TENM1: variants seen among roughly 807,000 people sequenced by gnomAD.
TENM1 encodes teneurin-1.
Under a neutral mutation model 174.8 loss-of-function variants are expected in TENM1, and 35 were observed. The observed-to-expected ratio is 0.20, with a 90% confidence interval of 0.15 to 0.27. TENM1 has a LOEUF of 0.27. TENM1 is among the 10% of genes least tolerant of loss of function. The probability of loss-of-function intolerance (pLI) is 1.00; values close to 1 mark genes in which losing one functional copy is unlikely to be tolerated. For missense variants in TENM1, 1,633 were observed against 2,130.1 expected (o/e 0.77, Z 4.59); for synonymous variants, 781 against 798.7 (o/e 0.98, Z 0.37).
the TENM1 span, among the ~76,000 whole-genome samples, chrX:125,172,588 C>T: frequency 1.8e-5 from 2 of 111,224 alleles, no homozygotes; most frequent in African/African-American, 6.5e-5. Flanking sequence ...GAAATGTTGG[C>T]GGTGTAACCA....
chrX:124,764,870 C>G (rs1222451589), intron 3 of TENM1, among the ~76,000 whole-genome samples: 2 of 110,938 alleles, frequency 1.8e-5, no homozygotes, highest in African/African-American at 6.6e-5. Flanking sequence ...ATTTGCCATT[C>G]AACAGACCCA....
At chrX:124,853,592 C>T (rs1355963829) in intron 3 of TENM1, among the ~76,000 whole-genome samples, 1 of 110,699 alleles carries the variant, frequency 9.0e-6, no homozygotes, top group African/African-American at 3.3e-5. Flanking sequence ...TGATTGATGG[C>T]CTTTATTTTT....
upstream of TENM1, among the ~76,000 whole-genome samples, chrX:124,966,252 G>A (rs1050048743): frequency 1.6e-4 from 18 of 111,487 alleles, no homozygotes; most frequent in African/African-American, 4.9e-4. Context: ...GTCATATCAC[G>A]TCTCTCCTTT....
upstream of TENM1, among the ~76,000 whole-genome samples, chrX:124,967,986 T>C (rs2058747460): frequency 8.9e-6 from 1 of 111,828 alleles, no homozygotes; most frequent in Admixed American, 9.5e-5. Flanking sequence ...TTGACAAGGG[T>C]AGTTGCATTA....
chrX:124,788,745 C>T (rs766597837), intron 3 of TENM1, among the ~76,000 whole-genome samples: 12 of 112,808 alleles, frequency 1.1e-4, no homozygotes, highest in Admixed American at 2.8e-4. Context: ...TGGGCAGCTC[C>T]GCCTCTGTGG....
the TENM1 span, among the ~76,000 whole-genome samples, chrX:125,123,757 T>C: frequency 8.9e-6 from 1 of 112,762 alleles, no homozygotes; most frequent in African/African-American, 3.2e-5. Flanking sequence ...AATTCTGATA[T>C]CACTCATGCA....
At chrX:124,801,619 T>C (rs918543780) in intron 3 of TENM1, among the ~76,000 whole-genome samples, 10 of 112,087 alleles carry the variant, frequency 8.9e-5, no homozygotes, top group African/African-American at 3.2e-4. Context: ...TGAATTTGAT[T>C]CTGTCATCAT....
intron 3 of TENM1, among the ~76,000 whole-genome samples, chrX:124,746,849 C>G (rs2053930910): frequency 9.0e-6 from 1 of 110,733 alleles, no homozygotes; most frequent in African/African-American, 3.3e-5. Context: ...CAAATTAGGC[C>G]AGGGGTAGTG....
chrX:125,132,064 C>A, the TENM1 span, among the ~76,000 whole-genome samples: 1 of 112,036 alleles, frequency 8.9e-6, no homozygotes, highest in Non-Finnish European at 1.9e-5. Flanking sequence ...CCCTGTATCC[C>A]ACAGTTAAGC....
At chrX:124,504,112 T>C (rs1047706963) in intron 18 of TENM1, among the ~76,000 whole-genome samples, 1 of 111,829 alleles carries the variant, frequency 8.9e-6, no homozygotes. Flanking sequence ...TTTACCACTA[T>C]AGTGAAAAAT....
intron 23 of TENM1, among the ~76,000 whole-genome samples, chrX:124,438,761 T>C (rs748445903): frequency 3.6e-5 from 4 of 111,623 alleles, no homozygotes; most frequent in South Asian, 3.8e-4. Context: ...TCTCTACTTA[T>C]ATAAACAACC....
At chrX:125,163,588 C>T in the TENM1 span, among the ~76,000 whole-genome samples, 16 of 111,012 alleles carry the variant, frequency 1.4e-4, no homozygotes, top group East Asian at 1.4e-3. Context: ...ACTAACTCTT[C>T]GGAATATGGT....
rs946158913 is a variant in TENM1 at position 124,611,831 on chromosome X, C to T, written c.2077+29960G>A. ...GCTACCCATAACGAATGCTAAGTCT[C>T]AAGTGCACAGCATGGTTCAGAAACT... On this transcript the variant is annotated intron_variant, in intron 11 of 31. Transcript: ENST00000422452. Among the ~76,000 whole-genome samples the T allele has an allele frequency of 8.1e-5, 9 of 111,728 alleles. No individual in the cohort carries two copies. In the East Asian group the frequency reaches 1.7e-3, roughly 21 times the overall value.
At chrX:124,967,583 G>A (rs1007366136), upstream of TENM1, among the ~76,000 whole-genome samples, 1 of 111,442 alleles carries the variant, frequency 9.0e-6, no homozygotes, top group Non-Finnish European at 1.9e-5. Flanking sequence ...GGTATGGCAA[G>A]TCAGTATTTC....
At chrX:124,453,269 A>G (rs895323124) in intron 23 of TENM1, 68 bp downstream of exon 26, 1 of 1,046,162 alleles carries the variant, frequency 9.6e-7, no homozygotes. Context: ...TCATTTCTAC[A>G]TGAGAAAATT....
intron 22 of TENM1, among the ~76,000 whole-genome samples, chrX:124,473,184 G>A (rs1053354969): frequency 9.0e-6 from 1 of 111,383 alleles, no homozygotes; most frequent in African/African-American, 3.3e-5. Context: ...GTTGGTAAAA[G>A]GGCAAATTAC....
chrX:124,699,389 G>A (rs976739424), intron 5 of TENM1, among the ~76,000 whole-genome samples: 6 of 110,453 alleles, frequency 5.4e-5, no homozygotes, highest in African/African-American at 1.6e-4. Flanking sequence ...TTTCCTAGCC[G>A]GGCTAAGAAA....
chrX:124,960,225 C>A (rs1285136145), intron 1 of TENM1, among the ~76,000 whole-genome samples: 1 of 112,049 alleles, frequency 8.9e-6, no homozygotes, highest in South Asian at 3.7e-4. Context: ...GAGCTGTATA[C>A]TTTGCACTTG....
chrX:125,091,232 A>AG, the TENM1 span, among the ~76,000 whole-genome samples: 1,829 of 111,511 alleles, frequency 0.016, 34 homozygotes, highest in African/African-American at 0.056. Context: ...GAAAAAAAAA[A>AG]GCTTGATAAC....
Sources: allele counts gnomAD v4.1 joint callset (sites outside exome capture counted in the v4.1 genomes callset), GRCh38; gene constraint gnomAD v4.1.1; transcripts MANE v1.5; gene names NCBI Gene and HGNC (gene_info 2026-07-23, HGNC 2026-07-21).